Variants in SYNPO2 observed in about 807,000 individuals in gnomAD.
SYNPO2 encodes the protein synaptopodin-2.
Under a neutral mutation model 85.0 loss-of-function variants are expected in SYNPO2, and 56 were observed. That is an observed-to-expected ratio of 0.66 (90% CI 0.53 to 0.82). The LOEUF is 0.82. Ranked by LOEUF, SYNPO2 falls within the 40% of genes least tolerant of loss-of-function variation. The probability of loss-of-function intolerance (pLI) is 0.00; values close to 1 mark genes in which losing one functional copy is unlikely to be tolerated. For missense variants in SYNPO2, 1,575 were observed against 1,534.2 expected (o/e 1.03, Z -0.44); for synonymous variants, 602 against 591.1 (o/e 1.02, Z -0.27).
chr4:118,986,085 T>C (rs1736206155), intron 1 of SYNPO2, among the ~76,000 whole-genome samples: 1 of 152,196 alleles, frequency 6.6e-6, no homozygotes, highest in Admixed American at 6.5e-5. Context: ...CCTCTGCCAA[T>C]CCATATACAT....
At chr4:118,960,973 T>C (rs916555058) in intron 1 of SYNPO2, among the ~76,000 whole-genome samples, 19 of 152,244 alleles carry the variant, frequency 1.2e-4, no homozygotes, top group African/African-American at 4.3e-4. Context: ...GAAGCTAGCA[T>C]AAGTTTAACT....
chr4:118,932,156 C>T (rs1733953616), intron 1 of SYNPO2, among the ~76,000 whole-genome samples: 1 of 152,096 alleles, frequency 6.6e-6, no homozygotes, highest in African/African-American at 2.4e-5. Flanking sequence ...AAGCAGTCTT[C>T]TATTCATATA....
chr4:118,980,619 A>G (rs996734644), intron 1 of SYNPO2, among the ~76,000 whole-genome samples: 1 of 151,526 alleles, frequency 6.6e-6, no homozygotes, highest in African/African-American at 2.4e-5. Context: ...TTACAATTTG[A>G]AAAAAAAAGA....
At chr4:119,038,015 A>G (rs1232529533) in intron 4 of SYNPO2, 3 of 384,934 alleles carry the variant, frequency 7.8e-6, no homozygotes, top group African/African-American at 4.4e-5. Context: ...CAGATGAGGT[A>G]TCTAAGCTCA....
At chr4:118,868,259 T>C (rs535336156) in intron 1 of SYNPO2, among the ~76,000 whole-genome samples, 121 of 152,262 alleles carry the variant, frequency 7.9e-4, no homozygotes, top group Non-Finnish European at 1.2e-3. Flanking sequence ...TGGGTGATTA[T>C]TGGATTTTTT....
At chr4:119,006,738 T>C (rs1737044353) in intron 1 of SYNPO2, among the ~76,000 whole-genome samples, 1 of 152,168 alleles carries the variant, frequency 6.6e-6, no homozygotes, top group East Asian at 1.9e-4. Context: ...ATTTAATTTT[T>C]TATGGATACA....
rs1738571440 is a variant in SYNPO2, at chr4:119,037,633, T to C, written c.3252+5606T>C. 6 of 986,238 alleles carry C rather than the reference T, an allele frequency of 6.1e-6. No individual in the cohort carries two copies. In the South Asian group the frequency reaches 2.3e-4, roughly 39 times the overall value. 61.1% of individuals were successfully genotyped at this position (986,238 alleles called of 1,614,324 possible). ...GTCATTCAAATAATCTCATGGGTCC[T>C]GAGGAAAAGACAGGAGTTAATGTAT... On this transcript the variant is annotated intron_variant, in intron 4 of 4. Coordinates refer to ENST00000307142, the MANE Select transcript of SYNPO2 (RefSeq NM_133477.3).
chr4:118,981,855 A>T, intron 1 of SYNPO2, among the ~76,000 whole-genome samples: 1 of 152,294 alleles, frequency 6.6e-6, no homozygotes, highest in African/African-American at 2.4e-5. Context: ...AACTGCACAT[A>T]ATTATTATTA....
At chr4:118,873,440 C>T (rs1415032280) in intron 1 of SYNPO2, among the ~76,000 whole-genome samples, 1 of 151,926 alleles carries the variant, frequency 6.6e-6, no homozygotes, top group Non-Finnish European at 1.5e-5. Flanking sequence ...ATTTGCATTT[C>T]TCTGATTATC....
At chr4:119,054,639 A>C (rs933276981) in intron 4 of SYNPO2, among the ~76,000 whole-genome samples, 2 of 151,802 alleles carry the variant, frequency 1.3e-5, no homozygotes, top group African/African-American at 2.4e-5. Flanking sequence ...CCCTCTACCG[A>C]CTGAGTCTGG....
chr4:119,057,757 CAAT>C lies in SYNPO2; in HGVS notation c.3617_3619del (p.Asn1206del). On this transcript the variant is annotated inframe_deletion, in exon 5 of 5. Coordinates refer to ENST00000307142, the MANE Select transcript of SYNPO2 (RefSeq NM_133477.3). ...GAAGGCAAGAGTATAATGTCACAGC[CAAT>C]AATAATATGTCCACCACCTCCCAAT... 6.2e-7 allele frequency: 1 copy of C among 1,614,078 alleles called. No homozygotes were observed. The highest frequency in any genetic ancestry group is 8.5e-7 in the Non-Finnish European group (1 of 1,180,026).
chr4:118,879,184 A>G (rs1313741298), intron 1 of SYNPO2, among the ~76,000 whole-genome samples: 6 of 152,240 alleles, frequency 3.9e-5, no homozygotes, highest in Admixed American at 6.5e-5. Flanking sequence ...TGCACACACC[A>G]TCTTTAAGAA....
In SYNPO2 at chr4:119,057,863, T is replaced by C; in HGVS notation, c.3715T>C (p.Ser1239Pro). 4 of 1,614,088 alleles carry C rather than the reference T, an allele frequency of 2.5e-6. No individual in the cohort carries two copies. The highest frequency in any genetic ancestry group is 3.4e-6 in the Non-Finnish European group (4 of 1,180,002). ...DSAIMSMETR[S>P]DYCLPVADYN... ...TGCAATCATGTCCATGGAAACCAGG[T>C]CTGATTACTGTCTTCCAGTAGCTGA... The change falls in exon 5 of 5, where the codon TCT (serine) becomes CCT (proline). Residue 1239 changes from serine (S) to proline (P), a missense_variant. By Grantham distance (74) the Ser-to-Pro change is moderately conservative. Transcript: ENST00000307142.
chr4:118,886,428 G>T (rs540987559), upstream of SYNPO2, among the ~76,000 whole-genome samples: 2 of 152,194 alleles, frequency 1.3e-5, no homozygotes, highest in East Asian at 3.9e-4. Context: ...ACAGGCCTCA[G>T]TGTGTGATGT....
At chr4:118,961,180 G>A (rs1037668425) in intron 1 of SYNPO2, among the ~76,000 whole-genome samples, 5 of 134,982 alleles carry the variant, frequency 3.7e-5, no homozygotes, top group African/African-American at 1.2e-4. Flanking sequence ...AGAACCTACT[G>A]GCCTCTAGTG....
intron 1 of SYNPO2, among the ~76,000 whole-genome samples, chr4:118,989,617 C>T (rs1736336758): frequency 6.6e-6 from 1 of 152,160 alleles, no homozygotes; most frequent in South Asian, 2.1e-4. Context: ...AGTTTGTGTT[C>T]TGAGTAATAA....
chr4:118,977,906 G>A (rs898366323), intron 1 of SYNPO2, among the ~76,000 whole-genome samples: 1 of 152,200 alleles, frequency 6.6e-6, no homozygotes, highest in African/African-American at 2.4e-5. Flanking sequence ...CTTCCACTCA[G>A]GAGTTCTGCA....
At chr4:118,860,203 T>G (rs938847238) in intron 1 of SYNPO2, among the ~76,000 whole-genome samples, 26 of 152,334 alleles carry the variant, frequency 1.7e-4, no homozygotes, top group Non-Finnish European at 3.4e-4. Context: ...ATGTCTTCTT[T>G]TGAGAAATGT....
chr4:119,007,411 A>C (rs1323576983), intron 1 of SYNPO2, among the ~76,000 whole-genome samples: 1 of 148,522 alleles, frequency 6.7e-6, no homozygotes, highest in Admixed American at 6.7e-5. Flanking sequence ...CAAAAAACAA[A>C]CAAAAAAAAA....
Sources: allele counts gnomAD v4.1 joint callset (sites outside exome capture counted in the v4.1 genomes callset), GRCh38; gene constraint gnomAD v4.1.1; transcripts MANE v1.5; gene names NCBI Gene and HGNC (gene_info 2026-07-23, HGNC 2026-07-21).